The following RARB variants were observed in gnomAD, a reference collection of about 807,000 sequenced individuals.
The protein encoded by RARB is HBV-activated protein.
Under a neutral mutation model 51.9 loss-of-function variants are expected in RARB, and 17 were observed. The observed-to-expected ratio is 0.33, with a 90% CI of 0.22 to 0.49. The LOEUF (loss-of-function observed/expected upper bound fraction) is 0.49. Among genes scored for constraint, RARB ranks in the 20% least tolerant of loss-of-function variants. The pLI, the probability that RARB is intolerant of heterozygous loss-of-function variation, is 0.99. For synonymous variants in RARB, 215 were observed against 195.4 expected (o/e 1.10, Z -0.84); for missense variants, 369 against 550.8 (o/e 0.67, Z 3.30).
intron 2 of RARB, among the ~76,000 whole-genome samples, chr3:24,865,502 T>C (rs1406895102): frequency 6.6e-6 from 1 of 152,156 alleles, no homozygotes; most frequent in Non-Finnish European, 1.5e-5. Context: ...AACAATGTCA[T>C]GTAACAGGAA....
At chr3:24,896,178 G>GT (rs1447771751) in intron 2 of RARB, among the ~76,000 whole-genome samples, 1 of 152,174 alleles carries the variant, frequency 6.6e-6, no homozygotes, top group Admixed American at 6.5e-5. Context: ...TAGAGACAAA[G>GT]TTGAATCATG....
At chr3:24,944,861 G>A (rs184934404) in intron 2 of RARB, among the ~76,000 whole-genome samples, 139 of 152,314 alleles carry the variant, frequency 9.1e-4, no homozygotes, top group African/African-American at 3.2e-3. Context: ...GGGAGGAAGA[G>A]AGGCAAAGTA....
intron 2 of RARB, among the ~76,000 whole-genome samples, chr3:24,956,701 T>C (rs927986561): frequency 1.3e-5 from 2 of 152,222 alleles, no homozygotes; most frequent in African/African-American, 4.8e-5. Context: ...TCAAGTCTAA[T>C]GAAGACTGGT....
chr3:25,392,278 T>A (rs1426814867), intron 5 of RARB, among the ~76,000 whole-genome samples: 1 of 152,192 alleles, frequency 6.6e-6, no homozygotes, highest in African/African-American at 2.4e-5. Context: ...ACCATGCTGT[T>A]TTGATGACCA....
At chr3:25,359,119 T>C (rs540577169) in intron 5 of RARB, among the ~76,000 whole-genome samples, 7 of 152,242 alleles carry the variant, frequency 4.6e-5, no homozygotes, top group Non-Finnish European at 8.8e-5. Context: ...CTGGGCTTTT[T>C]TTGGTTGGTA....
At chr3:24,953,739 C>T (rs1559409633) in intron 2 of RARB, among the ~76,000 whole-genome samples, 1 of 152,028 alleles carries the variant, frequency 6.6e-6, no homozygotes. Context: ...AAAAATAGAA[C>T]TCTCTTTACT....
intron 2 of RARB, among the ~76,000 whole-genome samples, chr3:24,922,063 T>C (rs910483555): frequency 4.6e-5 from 7 of 152,182 alleles, no homozygotes; most frequent in Non-Finnish European, 1.0e-4. Context: ...TTTATTTTGC[T>C]AAGGTGTCAT....
At chr3:25,220,104 T>G (rs1701913461) in intron 5 of RARB, among the ~76,000 whole-genome samples, 1 of 152,224 alleles carries the variant, frequency 6.6e-6, no homozygotes, top group Non-Finnish European at 1.5e-5. Flanking sequence ...ACATGTTTCA[T>G]AAAATTCTCA....
chr3:24,952,756 TGATA>T (rs113304760), intron 2 of RARB, among the ~76,000 whole-genome samples: 1,814 of 152,214 alleles, frequency 0.012, 37 homozygotes, highest in African/African-American at 0.042. Flanking sequence ...TCCCTTTCCC[TGATA>T]GATTCATTAC....
At chr3:24,877,345 A>ATTTTTTTTTTTTTTTTT (rs1559379782) in intron 2 of RARB, among the ~76,000 whole-genome samples, 6 of 17,758 alleles carry the variant, frequency 3.4e-4, no homozygotes, top group African/African-American at 8.6e-4. Context: ...AAGCAATCTT[A>ATTTTTTTTTTTTTTTTT]CTTTTTTTTT....
chr3:25,291,713 A>G (rs80344539), intron 5 of RARB, among the ~76,000 whole-genome samples: 5,877 of 152,216 alleles, frequency 0.039, 157 homozygotes, highest in Middle Eastern at 0.071. Context: ...TTCTTTCAAT[A>G]GACTTTGATT....
Position 25,002,758 on chromosome 3 carries a change from G to GTATA in RARB, c.-379-57366_-379-57365insATAT, listed in dbSNP as rs57131226. On this transcript the variant is annotated intron_variant, in intron 2 of 11. Coordinates refer to the RARB transcript ENST00000383772. The stretch of plus-strand genomic sequence containing the variant: ...TATAAAAGACATATTCTGTGTGTGT[G>GTATA]TGTATATATATATATATGAATTTGG... 5.9e-3 allele frequency among the ~76,000 whole-genome samples: 739 copies of GTATA among 125,216 alleles called. 3 individuals are homozygous for GTATA. Among genetic ancestry groups the GTATA allele is most frequent in the African/African-American group, 0.024 (664 of 27,184 alleles). The allele number at this position is 125,216 out of a possible 152,430, so 82.1% of individuals were successfully genotyped here.
At chr3:25,206,911 C>T (rs571288013) in intron 5 of RARB, among the ~76,000 whole-genome samples, 1 of 152,118 alleles carries the variant, frequency 6.6e-6, no homozygotes, top group South Asian at 2.1e-4. Flanking sequence ...CACAGGTGCA[C>T]CCACAGCTAC....
chr3:24,832,636 T>C (rs1046866071), intron 1 of RARB, among the ~76,000 whole-genome samples: 3 of 141,004 alleles, frequency 2.1e-5, no homozygotes, highest in African/African-American at 5.4e-5. Context: ...CCAATATATA[T>C]ATATATATAT....
intron 4 of RARB, among the ~76,000 whole-genome samples, chr3:25,575,641 G>A (rs1559475173): frequency 2.0e-5 from 3 of 151,922 alleles, no homozygotes; most frequent in South Asian, 2.1e-4. Context: ...TCTTCACATC[G>A]TCTTCTCTCT....
At chr3:25,063,741 C>A (rs1477486358) in intron 3 of RARB, among the ~76,000 whole-genome samples, 2 of 146,724 alleles carry the variant, frequency 1.4e-5, no homozygotes, top group Non-Finnish European at 1.5e-5. Flanking sequence ...GATGAGGAAA[C>A]AGACCTTGGG....
intron 5 of RARB, among the ~76,000 whole-genome samples, chr3:25,257,970 A>G (rs1702907495): frequency 6.6e-6 from 1 of 152,172 alleles, no homozygotes; most frequent in African/African-American, 2.4e-5. Context: ...TCTTCCTGCC[A>G]TAGCAATGGC....
intron 2 of RARB, among the ~76,000 whole-genome samples, chr3:24,904,676 G>T (rs552827887): frequency 9.2e-5 from 14 of 152,126 alleles, no homozygotes; most frequent in African/African-American, 3.4e-4. Flanking sequence ...ATACCCAAAG[G>T]ATTAGAAATC....
chr3:25,582,039 C>A (rs1701198607), intron 5 of RARB, among the ~76,000 whole-genome samples: 1 of 152,000 alleles, frequency 6.6e-6, no homozygotes, highest in Admixed American at 6.6e-5. Context: ...TACTGGGCTA[C>A]CTCCAGGCCT....
Sources: gnomAD v4.1 joint callset for allele counts (sites outside exome capture counted in the v4.1 genomes callset) on GRCh38, gnomAD v4.1.1 for gene constraint, MANE v1.5 for transcripts, NCBI Gene and HGNC (gene_info 2026-07-23, HGNC 2026-07-21) for gene names.